DPYD: variants seen among roughly 807,000 people sequenced by gnomAD.
DPYD encodes dihydropyrimidine dehydrogenase [NADP(+)].
In DPYD, 109 loss-of-function variants were observed where a neutral mutation model predicts 116.2. The ratio of observed to expected loss-of-function variants is 0.94; its 90% CI spans 0.80 to 1.10. The LOEUF (loss-of-function observed/expected upper bound fraction) is 1.10. Among genes scored for constraint, DPYD ranks in the 50% least tolerant of loss-of-function variants. The pLI, the probability that DPYD is intolerant of heterozygous loss-of-function variation, is 0.00. For synonymous variants in DPYD, 440 were observed against 432.0 expected (o/e 1.02, Z -0.23); for missense variants, 1,302 against 1,254.5 (o/e 1.04, Z -0.57).
chr1:97,882,116 C>A (rs1421911673), intron 2 of DPYD, among the ~76,000 whole-genome samples: 2 of 151,806 alleles, frequency 1.3e-5, no homozygotes, highest in Non-Finnish European at 2.9e-5. Flanking sequence ...TTGTAAGTGG[C>A]CTATTCCTTG....
chr1:97,229,313 C>T (rs979360025), intron 19 of DPYD, among the ~76,000 whole-genome samples: 2 of 140,638 alleles, frequency 1.4e-5, no homozygotes, highest in African/African-American at 5.3e-5. Context: ...AGACATTAAA[C>T]ACTATGTATT....
At chr1:97,138,522 T>C (rs2101688151) in intron 20 of DPYD, among the ~76,000 whole-genome samples, 1 of 152,242 alleles carries the variant, frequency 6.6e-6, no homozygotes, top group Non-Finnish European at 1.5e-5. Flanking sequence ...CAGCAGGAAA[T>C]ATAATCCGGT....
intron 4 of DPYD, among the ~76,000 whole-genome samples, chr1:97,725,596 G>A (rs1390476875): frequency 6.6e-6 from 1 of 151,600 alleles, no homozygotes; most frequent in Non-Finnish European, 1.5e-5. Context: ...ATGAGGATAA[G>A]CATGTAGATC....
chr1:97,532,845 A>T (rs1286157433), intron 12 of DPYD, among the ~76,000 whole-genome samples: 1 of 148,426 alleles, frequency 6.7e-6, no homozygotes, highest in African/African-American at 2.5e-5. Flanking sequence ...ATTTTTATTC[A>T]TTTTATCATT....
At chr1:97,744,955 C>A (rs1479363565) in intron 3 of DPYD, among the ~76,000 whole-genome samples, 3 of 152,042 alleles carry the variant, frequency 2.0e-5, no homozygotes. Context: ...AGAAAGATGG[C>A]TGGTATCTTT....
At chr1:97,127,443 C>T (rs1652934861) in intron 20 of DPYD, among the ~76,000 whole-genome samples, 3 of 152,146 alleles carry the variant, frequency 2.0e-5, no homozygotes, top group Admixed American at 2.0e-4. Flanking sequence ...CTTGCTTCAT[C>T]TTCCTACGCA....
chr1:97,499,376 G>A (rs552940034), intron 13 of DPYD, among the ~76,000 whole-genome samples: 3 of 151,704 alleles, frequency 2.0e-5, no homozygotes, highest in East Asian at 3.9e-4. Flanking sequence ...CCATTTTTAT[G>A]TCTGAGAACT....
chr1:97,191,078 G>A lies in DPYD; in HGVS notation c.2622+1991C>T, dbSNP rs989899459. Among the ~76,000 whole-genome samples the A allele has an allele frequency of 2.7e-5, 4 of 147,042 alleles. No individual in the cohort carries two copies. In the South Asian group the frequency reaches 6.7e-4, roughly 25 times the overall value. On this transcript the variant is annotated intron_variant, in intron 20 of 22. Transcript: ENST00000370192. ...CACACACATACACACACATACACACGTACATACAAACACACACACACACAA... is the reference window on the plus strand; with the variant it reads ...CACACACATACACACACATACACACATACATACAAACACACACACACACAA...
intron 2 of DPYD, among the ~76,000 whole-genome samples, chr1:97,843,567 G>T (rs1311831723): frequency 6.6e-6 from 1 of 152,042 alleles, no homozygotes; most frequent in African/African-American, 2.4e-5. Context: ...TGTGAACTTG[G>T]TTTTCTTTAA....
chr1:97,185,526 G>A (rs1657934247), intron 20 of DPYD, among the ~76,000 whole-genome samples: 1 of 151,952 alleles, frequency 6.6e-6, no homozygotes, highest in African/African-American at 2.4e-5. Flanking sequence ...AGTTATGCAA[G>A]TATGTTTATA....
chr1:97,870,442 G>A (rs886309228), intron 2 of DPYD, among the ~76,000 whole-genome samples: 5 of 151,432 alleles, frequency 3.3e-5, no homozygotes, highest in Admixed American at 6.6e-5. Context: ...CTTCAATAAC[G>A]GAGAGCTATG....
intron 14 of DPYD, among the ~76,000 whole-genome samples, chr1:97,441,271 C>T (rs1361212924): frequency 6.6e-6 from 1 of 151,904 alleles, no homozygotes; most frequent in Non-Finnish European, 1.5e-5. Flanking sequence ...GGAAGCTTTG[C>T]ACTATTATTT....
At chr1:97,240,010 G>A (rs946540931) in intron 18 of DPYD, among the ~76,000 whole-genome samples, 1 of 152,026 alleles carries the variant, frequency 6.6e-6, no homozygotes, top group African/African-American at 2.4e-5. Context: ...TGCCTTCTAT[G>A]TTCTTGTGTG....
intron 18 of DPYD, among the ~76,000 whole-genome samples, chr1:97,245,430 G>C (rs975055860): frequency 1.3e-5 from 2 of 151,964 alleles, no homozygotes; most frequent in African/African-American, 2.4e-5. Flanking sequence ...AGTATAAATA[G>C]AAGAACTATT....
At chr1:97,452,136 T>A (rs935293823) in intron 13 of DPYD, among the ~76,000 whole-genome samples, 2 of 152,152 alleles carry the variant, frequency 1.3e-5, no homozygotes, top group Non-Finnish European at 2.9e-5. Flanking sequence ...CCATTCTCCA[T>A]ATCTTCACTT....
At chr1:97,355,220 T>G (rs1670366204) in intron 16 of DPYD, among the ~76,000 whole-genome samples, 1 of 152,170 alleles carries the variant, frequency 6.6e-6, no homozygotes, top group Admixed American at 6.5e-5. Flanking sequence ...ATAATAGGTA[T>G]ATGTTTAATA....
At chr1:97,525,770 G>GAGAGAGAA (rs1649010811) in intron 12 of DPYD, among the ~76,000 whole-genome samples, 2 of 149,914 alleles carry the variant, frequency 1.3e-5, no homozygotes, top group Admixed American at 1.3e-4. Context: ...GAGAGAGAGA[G>GAGAGAGAA]AGAGAGAGAG....
At chr1:97,209,427 A>G (rs1335967332) in intron 19 of DPYD, among the ~76,000 whole-genome samples, 4 of 152,006 alleles carry the variant, frequency 2.6e-5, no homozygotes, top group Non-Finnish European at 5.9e-5. Flanking sequence ...ACTCACATTT[A>G]TTTTTTGTGT....
At chr1:97,192,168 C>A (rs1658419373) in intron 20 of DPYD, among the ~76,000 whole-genome samples, 1 of 152,024 alleles carries the variant, frequency 6.6e-6, no homozygotes, top group South Asian at 2.1e-4. Context: ...CTAAAACTAG[C>A]CAAATATAAG....
Sources: allele counts gnomAD v4.1 joint callset (sites outside exome capture counted in the v4.1 genomes callset), GRCh38; gene constraint gnomAD v4.1.1; transcripts MANE v1.5; gene names NCBI Gene and HGNC (gene_info 2026-07-23, HGNC 2026-07-21).